Variants in GRHL3 observed in about 807,000 individuals in gnomAD.
The protein encoded by GRHL3 is grainyhead-like protein 3 homolog.
Under a neutral mutation model 70.3 loss-of-function variants are expected in GRHL3, and 20 were observed. The observed-to-expected ratio is 0.28, with a 90% CI of 0.20 to 0.41. GRHL3 has a LOEUF of 0.41. GRHL3 is among the 10% of genes least tolerant of loss of function. The probability of loss-of-function intolerance (pLI) is 1.00; values close to 1 mark genes in which losing one functional copy is unlikely to be tolerated. For synonymous variants in GRHL3, 299 were observed against 299.9 expected (o/e 1.00, Z 0.03); for missense variants, 637 against 762.3 (o/e 0.84, Z 1.94).
At position 24,322,024 on chromosome 1, in the gene GRHL3, A is replaced by G. The variant is rs1286656761; in HGVS notation, c.17+2456A>G. On this transcript the variant is annotated intron_variant, in intron 1 of 15. Transcript: ENST00000361548. This position sits in a 1 kb window ranked among gnomAD's most constrained non-coding sequence, Gnocchi z 4.4. ...GCTGCCCAGCGTCGGGTTTTCCTGA[A>G]GGTGCGTCGGGGCCCCCGGGGAGCT... The G allele has an allele frequency of 6.6e-6, 1 of 152,000 alleles. No homozygotes were observed. The highest frequency in any genetic ancestry group is 1.5e-5 in the Non-Finnish European group (1 of 67,956). 9.4% of individuals were successfully genotyped at this position (152,000 alleles called of 1,614,324 possible).
intron 1 of GRHL3, among the ~76,000 whole-genome samples, chr1:24,330,150 T>A (rs1044393327): frequency 4.6e-5 from 7 of 152,236 alleles, no homozygotes; most frequent in Admixed American, 2.6e-4. Flanking sequence ...CACCTTTACA[T>A]TGTATAATGA....
At chr1:24,323,185 G>C (rs1419996211) in intron 1 of GRHL3, 1 of 927,988 alleles carries the variant, frequency 1.1e-6, no homozygotes, top group Non-Finnish European at 1.7e-6. Flanking sequence ...TCGTTAAGGG[G>C]AAGAGAGGGA....
chr1:24,346,712 A>G, intron 13 of GRHL3, 71 bp downstream of exon 13: 1 of 1,236,272 alleles, frequency 8.1e-7, no homozygotes, highest in Non-Finnish European at 1.2e-6. Flanking sequence ...GGCTTTCCCA[A>G]AGCCTCCTTG....
At position 24,337,169 on chromosome 1, in the gene GRHL3, G is replaced by T; in HGVS notation, c.686+18G>T. 6.3e-7 allele frequency: 1 copy of T among 1,592,226 alleles called. No homozygotes were observed. The highest frequency in any genetic ancestry group is 8.6e-7 in the Non-Finnish European group (1 of 1,160,842). On this transcript the variant is annotated intron_variant, in intron 5 of 15. Transcript: ENST00000361548. ...CTCAAAAGGTAACTTGGTCTCCCTGGACCCTCAGACACCTGGGCAGTGGGC... is the reference window on the plus strand; with the variant it reads ...CTCAAAAGGTAACTTGGTCTCCCTGTACCCTCAGACACCTGGGCAGTGGGC...
At chr1:24,350,036 A>G in intron 14 of GRHL3, 22 bp from the exon 15 acceptor site, 1 of 1,595,722 alleles carries the variant, frequency 6.3e-7, no homozygotes, top group Non-Finnish European at 8.6e-7. Flanking sequence ...CAGGCAATGA[A>G]TCACCTGTCT....
chr1:24,356,159 A>G (rs1287074342), downstream of GRHL3, among the ~76,000 whole-genome samples: 1 of 152,078 alleles, frequency 6.6e-6, no homozygotes, highest in African/African-American at 2.4e-5. Flanking sequence ...TCAGCCTCCC[A>G]AAGTGCTGGG....
At chr1:24,329,168 G>A (rs989271654) in intron 1 of GRHL3, among the ~76,000 whole-genome samples, 3 of 152,172 alleles carry the variant, frequency 2.0e-5, no homozygotes, top group Non-Finnish European at 2.9e-5. Flanking sequence ...TCTTTCCTGC[G>A]TGACAGCTCC....
intron 1 of GRHL3, among the ~76,000 whole-genome samples, chr1:24,326,417 C>G (rs1422332347): frequency 7.7e-6 from 1 of 129,362 alleles, no homozygotes; most frequent in Non-Finnish European, 1.7e-5. Context: ...CTCCACCCCT[C>G]TTCCCCTCCA....
At chr1:24,343,416 C>G (rs545503996) in intron 11 of GRHL3, 104 of 199,458 alleles carry the variant, frequency 5.2e-4, no homozygotes, top group African/African-American at 2.2e-3. Context: ...CTCTACAGCC[C>G]TGGGAAGTCA....
In GRHL3 at chr1:24,344,918, A is replaced by C. The variant is rs763761156; in HGVS notation, c.1441A>C (p.Ser481Arg). 6.2e-7 allele frequency: 1 copy of C among 1,613,476 alleles called. No homozygotes were observed. The highest frequency in any genetic ancestry group is 1.1e-5 in the South Asian group (1 of 91,076). ...SGGAAPSAGP[S>R]SSNRLPLKRT... ...GCAGGCAGCCCCCTCGGCAGGACCC[A>C]GCAGCTCCAACAGGTATGGAGAGAA... is the stretch of plus-strand genomic sequence containing the variant. Residue 481 changes from serine to arginine, a missense_variant, in exon 12 of 16, where the codon AGC becomes CGC. Ser to Arg is a moderately radical substitution (Grantham distance 110, BLOSUM62 -1). Transcript: ENST00000361548.
At position 24,331,581 on chromosome 1, in the gene GRHL3, C is replaced by T. The variant is rs748873243; in HGVS notation, c.173C>T (p.Ala58Val). ...GTCAATGGAGATGATGACAGTGTTG[C>T]GGCCTTGAGCTTCCTCTATGATTAC... Reference protein sequence around the residue: ...MRVNGDDDSVAALSFLYDYYM... With the variant: ...MRVNGDDDSVVALSFLYDYYM... Residue 58 changes from alanine to valine, a missense_variant, in exon 2 of 16, where the codon GCG becomes GTG. Coordinates refer to ENST00000361548, the MANE Select transcript of GRHL3 (RefSeq NM_198173.3). 3.7e-6 allele frequency: 6 copies of T among 1,613,818 alleles called. No individual in the cohort carries two copies. The highest frequency in any genetic ancestry group is 2.2e-5 in the East Asian group (1 of 44,884).
downstream of GRHL3, among the ~76,000 whole-genome samples, chr1:24,356,783 T>C (rs534950655): frequency 1.3e-5 from 2 of 152,244 alleles, no homozygotes; most frequent in South Asian, 2.1e-4. Context: ...ACTCCATCAC[T>C]GCAGCTCTGC....
At chr1:24,337,428 G>T in intron 5 of GRHL3, 2 of 604,054 alleles carry the variant, frequency 3.3e-6, no homozygotes, top group Non-Finnish European at 5.7e-6. Context: ...ATTTTCATTG[G>T]GCCCTCATTA....
chr1:24,354,357 C>T lies in GRHL3; in HGVS notation c.1695-17C>T. The T allele has an allele frequency of 6.3e-7, 1 of 1,575,146 alleles. No individual in the cohort carries two copies. Among genetic ancestry groups the T allele is most frequent in the Non-Finnish European group, 8.7e-7 (1 of 1,144,666 alleles). On this transcript the variant is annotated splice_polypyrimidine_tract_variant and intron_variant, in intron 15 of 15. Coordinates refer to ENST00000361548, the MANE Select transcript of GRHL3 (RefSeq NM_198173.3). ...GGCGCCTGCTGTGTTCCAACCACAT[C>T]CCCTCTTCCATTCCAGAATCTTAGT...
intron 15 of GRHL3, among the ~76,000 whole-genome samples, chr1:24,360,337 T>C (rs888156957): frequency 2.0e-5 from 3 of 152,196 alleles, no homozygotes; most frequent in South Asian, 2.1e-4. Flanking sequence ...TAATTCCAGC[T>C]ACTTGGGAGG....
intron 1 of GRHL3, among the ~76,000 whole-genome samples, chr1:24,324,082 G>A (rs1306884731): frequency 6.6e-6 from 1 of 152,160 alleles, no homozygotes; most frequent in Non-Finnish European, 1.5e-5. Context: ...GCACCCCCGG[G>A]TTTACAGGTG....
downstream of GRHL3, chr1:24,357,322 G>A (rs967569070): frequency 1.3e-5 from 2 of 152,236 alleles, no homozygotes; most frequent in Admixed American, 6.5e-5. Context: ...GGTGCTCTGC[G>A]TGTACAAAGT....
At chr1:24,344,954 G>A (rs1393819809) in intron 12 of GRHL3, 23 bp downstream of exon 12, 14 of 1,611,666 alleles carry the variant, frequency 8.7e-6, no homozygotes, top group African/African-American at 2.7e-5. Context: ...ACAACCACAC[G>A]CCTCCCTCCA....
At chr1:24,344,842 G>C (rs1330833840) in intron 11 of GRHL3, 55 bp from the exon 12 acceptor site, 8 of 1,607,546 alleles carry the variant, frequency 5.0e-6, no homozygotes, top group Non-Finnish European at 6.8e-6. Flanking sequence ...AGCAGCCAGG[G>C]GCTCCTCTCA....
Sources: gnomAD v4.1 joint callset for allele counts (sites outside exome capture counted in the v4.1 genomes callset) on GRCh38, gnomAD v4.1.1 for gene constraint, Gnocchi (gnomAD v3.1) non-coding constraint, MANE v1.5 for transcripts, NCBI Gene and HGNC (gene_info 2026-07-23, HGNC 2026-07-21) for gene names.